The following IPCEF1 variants were observed in gnomAD, a reference collection of about 807,000 sequenced individuals.
IPCEF1 encodes the protein interaction protein for cytohesin exchange factors 1.
IPCEF1 carries 31 observed loss-of-function variants against 50.9 expected under a neutral mutation model. The observed-to-expected ratio is 0.61, with a 90% CI of 0.46 to 0.82. The LOEUF (loss-of-function observed/expected upper bound fraction) is 0.82. IPCEF1 is among the 40% of genes least tolerant of loss of function. The pLI is 0.00. For missense variants in IPCEF1, 458 were observed against 514.0 expected (o/e 0.89, Z 1.05); for synonymous variants, 181 against 192.0 (o/e 0.94, Z 0.47).
chr6:154,313,077 A>AAAAAAC (rs1783123426), intron 1 of IPCEF1, among the ~76,000 whole-genome samples: 1 of 149,566 alleles, frequency 6.7e-6, no homozygotes, highest in Non-Finnish European at 1.5e-5. Context: ...CAAAAAAAAA[A>AAAAAAC]AAAAAAAAAC....
chr6:154,163,546 A>T (rs1799193039), intron 11 of IPCEF1, among the ~76,000 whole-genome samples: 1 of 152,188 alleles, frequency 6.6e-6, no homozygotes, highest in Non-Finnish European at 1.5e-5. Flanking sequence ...TTCTCCTACT[A>T]AAACATAAGC....
rs776110189 is a variant in IPCEF1, at chr6:154,199,951, G to T, written c.627C>A (p.Ser209Arg). Residue 209 changes from serine (S) to arginine (R), a missense_variant, in exon 10 of 12, where the codon AGC becomes AGA. Ser to Arg is a moderately radical substitution (Grantham distance 110). Coordinates refer to ENST00000367220, the MANE Select transcript of IPCEF1 (RefSeq NM_001130700.2). ...CTTTAGATAAGGAGGAAGGAAAACT[G>T]CTGGGTGTCTTCACTGTATTTTCCA... Reference protein sequence around the residue: ...SSLENTVKTPSSFPSSLSKER... With the variant: ...SSLENTVKTPRSFPSSLSKER... 1.2e-6 allele frequency: 2 copies of T among 1,614,176 alleles called. No individual in the cohort carries two copies. The highest frequency in any genetic ancestry group is 1.1e-5 in the South Asian group (1 of 91,080).
At chr6:154,334,707 G>A (rs1280549710) in intron 1 of IPCEF1, among the ~76,000 whole-genome samples, 1 of 152,246 alleles carries the variant, frequency 6.6e-6, no homozygotes, top group East Asian at 1.9e-4. Context: ...CTTAGCCATT[G>A]ACTAGTAGAA....
At chr6:154,346,118 C>T (rs771789691) in intron 1 of IPCEF1, among the ~76,000 whole-genome samples, 10 of 152,162 alleles carry the variant, frequency 6.6e-5, no homozygotes, top group South Asian at 2.1e-4. Flanking sequence ...CCTCTGCCCA[C>T]CTCAGTGTCC....
chr6:154,236,866 C>T (rs565574058), intron 5 of IPCEF1, among the ~76,000 whole-genome samples: 10 of 152,294 alleles, frequency 6.6e-5, no homozygotes, highest in Admixed American at 6.5e-4. Context: ...AGAGATTCTA[C>T]ATTGTGAGCC....
chr6:154,316,415 C>T (rs892674373), intron 1 of IPCEF1, among the ~76,000 whole-genome samples: 7 of 152,090 alleles, frequency 4.6e-5, no homozygotes, highest in African/African-American at 1.7e-4. Context: ...TGCCTAGATA[C>T]ACAAGGTATA....
Position 154,199,717 on chromosome 6 carries a change from G to T in IPCEF1, c.861C>A (p.Asp287Glu). Residue 287 changes from aspartate (D) to glutamate (E), a missense_variant, in exon 10 of 12, where the codon GAC becomes GAA. Transcript: ENST00000367220. ...CAGGCTTATCTGGGACAGTAAGATG[G>T]TCATGATTGCTACTCAATGAAGAAG... ...DDTSSLSSNHDHLTVPDKPAG... is the reference protein window; with the variant it reads ...DDTSSLSSNHEHLTVPDKPAG... 1.9e-6 allele frequency: 3 copies of T among 1,614,012 alleles called. No individual in the cohort carries two copies. The highest frequency in any genetic ancestry group is 2.5e-6 in the Non-Finnish European group (3 of 1,179,902).
At chr6:154,295,689 T>C (rs1782631875) in intron 1 of IPCEF1, among the ~76,000 whole-genome samples, 1 of 152,228 alleles carries the variant, frequency 6.6e-6, no homozygotes, top group South Asian at 2.1e-4. Flanking sequence ...CAGCCTTTTG[T>C]GGATCTGAGT....
At chr6:154,217,766 A>G (rs1254283363) in intron 7 of IPCEF1, among the ~76,000 whole-genome samples, 4 of 152,250 alleles carry the variant, frequency 2.6e-5, no homozygotes, top group Non-Finnish European at 5.9e-5. Flanking sequence ...TCATAATTGT[A>G]TAAGTTTATT....
chr6:154,159,838 T>A lies in IPCEF1; in HGVS notation c.1307A>T (p.Asn436Ile). 6.2e-7 allele frequency: 1 copy of A among 1,611,346 alleles called. No individual in the cohort carries two copies. Among genetic ancestry groups the A allele is most frequent in the Non-Finnish European group, 8.5e-7 (1 of 1,179,136 alleles). The change falls in exon 12 of 12, where the codon AAT (asparagine) becomes ATT (isoleucine). Residue 436 changes from asparagine (N) to isoleucine (I), a missense_variant. By Grantham distance (149) the Asn-to-Ile change is moderately radical. Transcript: ENST00000367220. Reference protein sequence around the residue: ...KKSPSSPSVENSI With the variant: ...KKSPSSPSVEISI ...AACCCTGACTTTGTCTCAAATGGAA[T>A]TTTCAACAGAGGGAGAAGAAGGTGA...
intron 1 of IPCEF1, among the ~76,000 whole-genome samples, chr6:154,356,321 C>T (rs1373458411): frequency 6.6e-6 from 1 of 152,234 alleles, no homozygotes; most frequent in African/African-American, 2.4e-5. Context: ...AGGGCGGCCC[C>T]AGAGTGCTTC....
chr6:154,256,568 C>T (rs201549360), intron 3 of IPCEF1, among the ~76,000 whole-genome samples: 21 of 147,698 alleles, frequency 1.4e-4, no homozygotes, highest in East Asian at 4.0e-4. Flanking sequence ...TCTCTCTGTG[C>T]GTGTGTGTGT....
intron 1 of IPCEF1, among the ~76,000 whole-genome samples, chr6:154,306,067 A>C (rs1782924136): frequency 6.6e-6 from 1 of 152,112 alleles, no homozygotes; most frequent in Non-Finnish European, 1.5e-5. Context: ...TTTCATATAG[A>C]CATATATCTT....
At chr6:154,313,585 C>T (rs7771400) in intron 1 of IPCEF1, among the ~76,000 whole-genome samples, 2,983 of 152,166 alleles carry the variant, frequency 0.02, 106 homozygotes, top group African/African-American at 0.068. Context: ...TAAGCCTAAT[C>T]TCTTCAACTC....
At chr6:154,334,162 C>T (rs1426476883) in intron 1 of IPCEF1, among the ~76,000 whole-genome samples, 1 of 152,198 alleles carries the variant, frequency 6.6e-6, no homozygotes, top group African/African-American at 2.4e-5. Context: ...TAGTTGGAAG[C>T]ATCTGACTGT....
chr6:154,189,114 TC>T (rs1801635164), intron 10 of IPCEF1, among the ~76,000 whole-genome samples: 1 of 152,074 alleles, frequency 6.6e-6, no homozygotes, highest in Non-Finnish European at 1.5e-5. Context: ...TTCCTACAAA[TC>T]CATTGGAAAA....
intron 2 of IPCEF1, among the ~76,000 whole-genome samples, chr6:154,281,025 AT>A (rs1756402254): frequency 6.6e-6 from 1 of 151,768 alleles, no homozygotes; most frequent in Non-Finnish European, 1.5e-5. Context: ...CATACTGAGA[AT>A]CCCCATCTCA....
chr6:154,200,102 C>G, intron 9 of IPCEF1, 62 bp from the exon 10 acceptor site: 1 of 1,441,852 alleles, frequency 6.9e-7, no homozygotes, highest in Non-Finnish European at 9.3e-7. Flanking sequence ...CCATCATTCT[C>G]TACCTTTTAT....
chr6:154,226,770 T>G (rs570396348), intron 5 of IPCEF1, among the ~76,000 whole-genome samples: 1 of 152,290 alleles, frequency 6.6e-6, no homozygotes, highest in South Asian at 2.1e-4. Context: ...CCAGCTGCCC[T>G]CGGGTCAAGT....
Sources: allele counts gnomAD v4.1 joint callset (sites outside exome capture counted in the v4.1 genomes callset), GRCh38; gene constraint gnomAD v4.1.1; transcripts MANE v1.5; gene names NCBI Gene and HGNC (gene_info 2026-07-23, HGNC 2026-07-21).